Variants in PTMS observed in about 807,000 individuals in gnomAD.
PTMS encodes parathymosin.
In PTMS, 5 loss-of-function variants were observed where a neutral mutation model predicts 18.4. That is an observed-to-expected ratio of 0.27 (90% CI 0.14 to 0.57). The LOEUF is 0.57. Among genes scored for constraint, PTMS ranks in the 20% least tolerant of loss-of-function variants. The pLI is 0.92. For synonymous variants in PTMS, 53 were observed against 47.7 expected (o/e 1.11, Z -0.46); for missense variants, 93 against 124.6 (o/e 0.75, Z 1.21).
Position 6,770,688 on chromosome 12 carries a change from T to C in PTMS, c.*246T>C. 1 of 583,958 alleles carries C rather than the reference T, an allele frequency of 1.7e-6. No individual in the cohort carries two copies. Among genetic ancestry groups the C allele is most frequent in the Non-Finnish European group, 3.1e-6 (1 of 326,274 alleles). The allele number at this position is 583,958 out of a possible 1,614,324, so 36.2% of individuals were successfully genotyped here. ...AGCTCTCCAGCTGGCCCCCAATTGC[T>C]CCTCTCTCTCTTTGCTCTCTTTCTC... On this transcript the variant is annotated 3_prime_UTR_variant, in exon 5 of 5. Coordinates refer to ENST00000309083, the MANE Select transcript of PTMS (RefSeq NM_002824.6). The surrounding 1 kb of genome is among the most constrained non-coding windows in gnomAD (Gnocchi z 7.3).
intron 1 of PTMS, chr12:6,767,598 C>CGGGGGGGGGGGGGGGGGGGGGGGGGG (rs56074647): frequency 9.1e-5 from 1 of 11,022 alleles, no homozygotes; most frequent in Admixed American, 7.8e-4. Context: ...ATGTGTATGG[C>CGGGGGGGGGGGGGGGGGGGGGGGGGG]GGGGGGGGGG....
rs373982816 is a variant in PTMS at position 6,770,325 on chromosome 12, C to T, written c.259-67C>T. The T allele has an allele frequency of 1.9e-6, 3 of 1,608,476 alleles. No individual in the cohort carries two copies. In the South Asian group the frequency reaches 3.3e-5, roughly 18 times the overall value. On this transcript the variant is annotated intron_variant, in intron 4 of 4. Transcript: ENST00000309083. This position sits in a 1 kb window ranked among gnomAD's most constrained non-coding sequence, Gnocchi z 7.3. The stretch of plus-strand genomic sequence containing the variant: ...TGTGTGGCAGGGGTGGGGGCTGGAA[C>T]AGGACCGGGACAGGGGGAGGTCTCC...
intron 1 of PTMS, among the ~76,000 whole-genome samples, chr12:6,768,112 G>A (rs893443461): frequency 1.3e-5 from 2 of 152,252 alleles, no homozygotes; most frequent in Admixed American, 1.3e-4. Context: ...CTGGAAAAGG[G>A]ATCATGGAAG....
At chr12:6,767,679 A>G (rs971776114) in intron 1 of PTMS, among the ~76,000 whole-genome samples, 4 of 142,658 alleles carry the variant, frequency 2.8e-5, no homozygotes, top group African/African-American at 8.0e-5. Context: ...GGGGGAGCCA[A>G]TGGGATTAAC....
In PTMS at chr12:6,770,637, T is replaced by C. The variant is rs1941826880; in HGVS notation, c.*195T>C. ...GCCCTCCACCCTCACTCTGCCATTG[T>C]TCCACCTCCTGACCTGCTCCATCTG... is the stretch of plus-strand genomic sequence containing the variant. On this transcript the variant is annotated 3_prime_UTR_variant, in exon 5 of 5. Coordinates refer to ENST00000309083, the MANE Select transcript of PTMS (RefSeq NM_002824.6). This position sits in a 1 kb window ranked among gnomAD's most constrained non-coding sequence, Gnocchi z 7.3. 1.5e-5 allele frequency: 10 copies of C among 653,838 alleles called. No homozygotes were observed. The South Asian group carries it at 1.9e-4, about 12-fold the overall frequency. The allele number at this position is 653,838 out of a possible 1,614,324, so 40.5% of individuals were successfully genotyped here.
intron 1 of PTMS, among the ~76,000 whole-genome samples, chr12:6,767,690 G>A (rs560864447): frequency 6.8e-6 from 1 of 147,418 alleles, no homozygotes; most frequent in East Asian, 2.0e-4. Flanking sequence ...TGGGATTAAC[G>A]GCGGTGGGAG....
In PTMS at chr12:6,770,632, C is replaced by T. The variant is rs1471101009; in HGVS notation, c.*190C>T. The T allele has an allele frequency of 3.0e-6, 2 of 666,318 alleles. No homozygotes were observed. Among genetic ancestry groups the T allele is most frequent in the Admixed American group, 5.5e-5 (2 of 36,380 alleles). 41.3% of individuals were successfully genotyped at this position (666,318 alleles called of 1,614,324 possible). A position where few individuals can be genotyped will look rare whatever the true frequency, so the allele number is the denominator to read the frequency against. ...ACTGCGCCCTCCACCCTCACTCTGC[C>T]ATTGTTCCACCTCCTGACCTGCTCC... On this transcript the variant is annotated 3_prime_UTR_variant, in exon 5 of 5. Coordinates refer to ENST00000309083, the MANE Select transcript of PTMS (RefSeq NM_002824.6). This position sits in a 1 kb window ranked among gnomAD's most constrained non-coding sequence, Gnocchi z 7.3.
chr12:6,769,210 C>CGGGGCAGGCAAG (rs1555111131), intron 1 of PTMS: 4 of 241,840 alleles, frequency 1.7e-5, no homozygotes, highest in African/African-American at 1.0e-4. Context: ...CGGGCAGTGG[C>CGGGGCAGGCAAG]GGGGCAGGCA....
chr12:6,766,835 C>A, intron 1 of PTMS, 85 bp downstream of exon 1: 1 of 929,086 alleles, frequency 1.1e-6, no homozygotes, highest in Non-Finnish European at 1.3e-6. Flanking sequence ...CCCCGACGGC[C>A]CCGCGCGGCC....
At position 6,766,672 on chromosome 12, in the gene PTMS, G is replaced by C; in HGVS notation, c.-34G>C. The C allele has an allele frequency of 9.0e-7, 1 of 1,114,630 alleles. No homozygotes were observed. The highest frequency in any genetic ancestry group is 2.7e-5 in the South Asian group (1 of 36,848). The allele number at this position is 1,114,630 out of a possible 1,614,324, so 69.0% of individuals were successfully genotyped here. On this transcript the variant is annotated 5_prime_UTR_variant, in exon 1 of 5. Coordinates refer to ENST00000309083, the MANE Select transcript of PTMS (RefSeq NM_002824.6). ...CCTCCGTCTCGGCCCCGGGACCCCG[G>C]CTCCCCGCCAGCCCCGGCCCCGGCC...
chr12:6,769,446 G>A (rs149379625), intron 1 of PTMS, among the ~76,000 whole-genome samples, 157 bp from the exon 2 acceptor site: 1 of 152,196 alleles, frequency 6.6e-6, no homozygotes, highest in African/African-American at 2.4e-5. Flanking sequence ...TGGCCCTAAT[G>A]TAAGGACCCT....
intron 1 of PTMS, among the ~76,000 whole-genome samples, chr12:6,768,606 A>ATT (rs1364663928): frequency 1.3e-5 from 2 of 152,214 alleles, no homozygotes; most frequent in Non-Finnish European, 2.9e-5. Flanking sequence ...AGATCACACA[A>ATT]GGACACCTAC....
chr12:6,769,770 C>G, intron 2 of PTMS, 96 bp downstream of exon 2: 1 of 1,598,278 alleles, frequency 6.3e-7, no homozygotes, highest in Non-Finnish European at 8.6e-7. Context: ...GGTGCTGGGT[C>G]CTGCCGTTCC....
Position 6,766,586 on chromosome 12 carries a change from C to T in PTMS, c.-120C>T. 4.4e-6 allele frequency: 2 copies of T among 457,352 alleles called. No homozygotes were observed. Among genetic ancestry groups the T allele is most frequent in the Non-Finnish European group, 6.2e-6 (2 of 320,774 alleles). The allele number at this position is 457,352 out of a possible 1,614,324, so 28.3% of individuals were successfully genotyped here. A position where few individuals can be genotyped will look rare whatever the true frequency, so the allele number is the denominator to read the frequency against. ...GCCGAGCGGCCGCCGCTGCCGCTGT[C>T]GCCGCCGCCGCCGCCACCGCGCCAG... On this transcript the variant is annotated 5_prime_UTR_variant, in exon 1 of 5. Transcript: ENST00000309083.
chr12:6,770,716 TC>T lies in PTMS; in HGVS notation c.*278del, dbSNP rs1225615650. On this transcript the variant is annotated 3_prime_UTR_variant, in exon 5 of 5. Coordinates refer to ENST00000309083, the MANE Select transcript of PTMS (RefSeq NM_002824.6). The surrounding 1 kb of genome is among the most constrained non-coding windows in gnomAD (Gnocchi z 7.3). ...TCTCTCTCTTTGCTCTCTTTCTCCC[TC>T]CCCTACCAGCCTCATTCTTCCTCCG... 6 of 543,136 alleles carry T rather than the reference TC, an allele frequency of 1.1e-5. No individual in the cohort carries two copies. The highest frequency in any genetic ancestry group is 2.1e-5 in the South Asian group (1 of 47,720). The allele number at this position is 543,136 out of a possible 1,614,324, so 33.6% of individuals were successfully genotyped here.
chr12:6,770,056 G>A lies in PTMS; in HGVS notation c.196+57G>A. ...AAGTCTGGGCTCAAAGGAGAGCAGAGTCAGGGTGGGTTTGAAGACCTGAAG... is the reference window on the plus strand; with the variant it reads ...AAGTCTGGGCTCAAAGGAGAGCAGAATCAGGGTGGGTTTGAAGACCTGAAG... On this transcript the variant is annotated intron_variant, in intron 3 of 4. Transcript: ENST00000309083. This position sits in a 1 kb window ranked among gnomAD's most constrained non-coding sequence, Gnocchi z 7.3. 2 of 1,585,990 alleles carry A rather than the reference G, an allele frequency of 1.3e-6. No individual in the cohort carries two copies. Among genetic ancestry groups the A allele is most frequent in the South Asian group, 1.1e-5 (1 of 87,744 alleles).
At chr12:6,767,662 T>G (rs768024098) in intron 1 of PTMS, among the ~76,000 whole-genome samples, 28 of 83,660 alleles carry the variant, frequency 3.3e-4, no homozygotes, top group Admixed American at 5.5e-4. Context: ...GCCCGCGGAG[T>G]GAAACGGGGG....
At chr12:6,769,776 G>C (rs144752841) in intron 2 of PTMS, 102 bp downstream of exon 2, 10 of 1,597,250 alleles carry the variant, frequency 6.3e-6, no homozygotes, top group Non-Finnish European at 8.6e-6. Context: ...GGGTCCTGCC[G>C]TTCCCCTGAG....
chr12:6,769,451 G>T, intron 1 of PTMS, 152 bp from the exon 2 acceptor site: 2 of 827,464 alleles, frequency 2.4e-6, no homozygotes, highest in Non-Finnish European at 2.1e-6. Flanking sequence ...CTAATGTAAG[G>T]ACCCTAGGGC....
Sources: allele counts gnomAD v4.1 joint callset (sites outside exome capture counted in the v4.1 genomes callset), GRCh38; gene constraint gnomAD v4.1.1; non-coding constraint Gnocchi (gnomAD v3.1); transcripts MANE v1.5; gene names NCBI Gene and HGNC (gene_info 2026-07-23, HGNC 2026-07-21).